Variants in CDH8 observed in about 807,000 individuals in gnomAD.
CDH8 encodes cadherin 8.
A neutral mutation model predicts 68.1 loss-of-function variants in CDH8; 17 were observed. The observed-to-expected ratio is 0.25, with a 90% CI of 0.17 to 0.37. CDH8 has a LOEUF of 0.37. CDH8 is among the 10% of genes least tolerant of loss of function. The probability of loss-of-function intolerance (pLI) is 1.00; values close to 1 mark genes in which losing one functional copy is unlikely to be tolerated. For missense variants in CDH8, 763 were observed against 999.3 expected, an observed-to-expected ratio of 0.76 and a Z score of 3.19; for synonymous variants, 372 against 365.1, an observed-to-expected ratio of 1.02 and a Z score of -0.21.
Position 61,979,482 on chromosome 16 carries a change from G to C in CDH8, c.252+41670C>G, listed in dbSNP as rs565517556. On this transcript the variant is annotated intron_variant, in intron 2 of 11. Coordinates refer to ENST00000577390, the MANE Select transcript of CDH8 (RefSeq NM_001796.5). ...GGGCAGACATCACTGGTTGATCAAG[G>C]CTCTTGATCTTACTGGGCCAGGATT... 2.0e-5 allele frequency among the ~76,000 whole-genome samples: 3 copies of C among 152,190 alleles called. No homozygotes were observed. The South Asian group carries it at 6.2e-4, about 32-fold the overall frequency.
chr16:61,974,558 A>G (rs1057064085), intron 2 of CDH8, among the ~76,000 whole-genome samples: 1 of 152,190 alleles, frequency 6.6e-6, no homozygotes, highest in Admixed American at 6.5e-5. Context: ...AGCCTTTGGG[A>G]AGCCTAGAAA....
chr16:61,761,123 T>G (rs1960456951), intron 8 of CDH8, among the ~76,000 whole-genome samples: 1 of 152,160 alleles, frequency 6.6e-6, no homozygotes, highest in African/African-American at 2.4e-5. Flanking sequence ...TAAAATTAAT[T>G]ATGATACTTT....
In CDH8 at chr16:61,966,102, C is replaced by G. The variant is rs544583143; in HGVS notation, c.252+55050G>C. ...GCAAAAAACTTTATTAGGCCAAATC[C>G]CTTCTTTGAAAATGTTACTTTGAAG... On this transcript the variant is annotated intron_variant, in intron 2 of 11. Transcript: ENST00000577390. Among the ~76,000 whole-genome samples the G allele has an allele frequency of 7.9e-5, 12 of 152,160 alleles. No homozygotes were observed. The South Asian group carries it at 1.5e-3, about 18-fold the overall frequency.
chr16:61,890,789 A>G (rs184085759), intron 3 of CDH8, among the ~76,000 whole-genome samples: 1 of 152,108 alleles, frequency 6.6e-6, no homozygotes, highest in Non-Finnish European at 1.5e-5. Context: ...TTTATTGGAT[A>G]GTGACTGAGA....
chr16:61,744,487 T>A (rs1363092058), intron 8 of CDH8, among the ~76,000 whole-genome samples: 2 of 152,068 alleles, frequency 1.3e-5, no homozygotes, highest in African/African-American at 4.8e-5. Flanking sequence ...TTATCTGTGA[T>A]AAGAGACATG....
At chr16:62,005,214 C>T (rs926745472) in intron 2 of CDH8, among the ~76,000 whole-genome samples, 3 of 152,220 alleles carry the variant, frequency 2.0e-5, no homozygotes, top group South Asian at 2.1e-4. Context: ...TAACTTTTCT[C>T]ACCCAAATCC....
chr16:61,969,084 T>C (rs1353717418), intron 2 of CDH8, among the ~76,000 whole-genome samples: 1 of 152,238 alleles, frequency 6.6e-6, no homozygotes, highest in Non-Finnish European at 1.5e-5. Flanking sequence ...CAGAGCTTCA[T>C]GTTTAAGGAG....
intron 9 of CDH8, among the ~76,000 whole-genome samples, chr16:61,715,035 G>A (rs1176069251): frequency 6.6e-6 from 1 of 151,516 alleles, no homozygotes; most frequent in African/African-American, 2.4e-5. Context: ...TAGCAGCTAT[G>A]GGGCTTTGCA....
At chr16:61,659,763 A>C (rs570173343) in intron 10 of CDH8, among the ~76,000 whole-genome samples, 1 of 152,188 alleles carries the variant, frequency 6.6e-6, no homozygotes, top group Non-Finnish European at 1.5e-5. Flanking sequence ...CCAATAGCTC[A>C]GGATTTTGCC....
chr16:61,922,286 T>A (rs1964382284), intron 2 of CDH8, among the ~76,000 whole-genome samples: 1 of 152,152 alleles, frequency 6.6e-6, no homozygotes, highest in Non-Finnish European at 1.5e-5. Context: ...TCCTAAATAT[T>A]TTCCATGCAA....
intron 8 of CDH8, among the ~76,000 whole-genome samples, chr16:61,763,599 T>C (rs566062797): frequency 6.6e-6 from 1 of 152,286 alleles, no homozygotes; most frequent in South Asian, 2.1e-4. Flanking sequence ...ACTTCAATTC[T>C]GTAGAAGTGT....
intron 4 of CDH8, among the ~76,000 whole-genome samples, chr16:61,844,114 A>G (rs1237137293): frequency 1.3e-5 from 2 of 152,022 alleles, no homozygotes; most frequent in Non-Finnish European, 2.9e-5. Flanking sequence ...TGATGACTTC[A>G]TGTCCTTTGT....
chr16:61,798,198 G>T (rs948501847), intron 7 of CDH8, among the ~76,000 whole-genome samples: 3 of 152,152 alleles, frequency 2.0e-5, no homozygotes, highest in Non-Finnish European at 4.4e-5. Flanking sequence ...ATGCAAAAAT[G>T]AAATGCAGTT....
chr16:61,685,367 T>C (rs1328366299), intron 10 of CDH8, among the ~76,000 whole-genome samples: 2 of 151,760 alleles, frequency 1.3e-5, no homozygotes, highest in Non-Finnish European at 2.9e-5. Flanking sequence ...AAAGGAGACA[T>C]TTGAGCAGAT....
intron 4 of CDH8, among the ~76,000 whole-genome samples, chr16:61,833,205 T>A (rs1222365461): frequency 6.6e-6 from 1 of 151,416 alleles, no homozygotes; most frequent in Non-Finnish European, 1.5e-5. Context: ...TATATATGTA[T>A]AATATTATAT....
chr16:61,986,350 C>G (rs1189324609), intron 2 of CDH8, among the ~76,000 whole-genome samples: 1 of 152,136 alleles, frequency 6.6e-6, no homozygotes, highest in Non-Finnish European at 1.5e-5. Flanking sequence ...TTACCCTGTG[C>G]AATTCCTTCA....
At chr16:61,882,444 T>A (rs1963595633) in intron 3 of CDH8, among the ~76,000 whole-genome samples, 1 of 152,210 alleles carries the variant, frequency 6.6e-6, no homozygotes, top group African/African-American at 2.4e-5. Context: ...TGTTGACACA[T>A]CTCTGTTCTA....
chr16:61,917,105 G>GTGTA (rs1964251683), intron 2 of CDH8, among the ~76,000 whole-genome samples: 1 of 129,660 alleles, frequency 7.7e-6, no homozygotes, highest in African/African-American at 3.1e-5. Context: ...GTGTGTGTGT[G>GTGTA]TATGATGTCT....
intron 10 of CDH8, among the ~76,000 whole-genome samples, chr16:61,705,253 C>T (rs1964505738): frequency 6.6e-6 from 1 of 152,138 alleles, no homozygotes; most frequent in African/African-American, 2.4e-5. Flanking sequence ...TCTCTAGTTT[C>T]CAGGAGGCTT....
Sources: gnomAD v4.1 joint callset for allele counts (sites outside exome capture counted in the v4.1 genomes callset) on GRCh38, gnomAD v4.1.1 for gene constraint, MANE v1.5 for transcripts, NCBI Gene and HGNC (gene_info 2026-07-23, HGNC 2026-07-21) for gene names.